SCD5: variants seen among roughly 807,000 people sequenced by gnomAD.
SCD5 encodes the protein acyl-CoA-desaturase 4.
SCD5 carries 20 observed loss-of-function variants against 30.4 expected under a neutral mutation model. That is an observed-to-expected ratio of 0.66 (90% CI 0.46 to 0.96). SCD5 has a LOEUF of 0.96. Ranked by LOEUF, SCD5 falls within the 40% of genes least tolerant of loss-of-function variation. The pLI is 0.00. For missense variants in SCD5, 381 were observed against 443.3 expected, an observed-to-expected ratio of 0.86 and a Z score of 1.26; for synonymous variants, 173 against 176.4, an observed-to-expected ratio of 0.98 and a Z score of 0.16.
Position 82,660,583 on chromosome 4 carries a change from C to G in SCD5, c.569+20124G>C, listed in dbSNP as rs578045727. Reference sequence around the variant, plus strand: ...TTTCACATATATTAACTAATGTATTCTCCCAATAATTTTGTAAGGTAGGTA... The same window carrying G: ...TTTCACATATATTAACTAATGTATTGTCCCAATAATTTTGTAAGGTAGGTA... On this transcript the variant is annotated intron_variant, in intron 3 of 4. Transcript: ENST00000319540. The G allele has an allele frequency of 4.9e-6, 6 of 1,232,848 alleles. No individual in the cohort carries two copies. The African/African-American group carries it at 9.2e-5, about 19-fold the overall frequency. The allele number at this position is 1,232,848 out of a possible 1,614,324, so 76.4% of individuals were successfully genotyped here.
Position 82,685,307 on chromosome 4 carries a change from T to C in SCD5, c.364-4395A>G, listed in dbSNP as rs189202891. On this transcript the variant is annotated intron_variant, in intron 2 of 4. Coordinates refer to ENST00000319540, the MANE Select transcript of SCD5 (RefSeq NM_001037582.3). ...GCCATACTATAGTCCTACTTTGCAA[T>C]AGAAATATAACTCAAGCCACATAAT... Among the ~76,000 whole-genome samples, 184 of 152,122 alleles carry C rather than the reference T, an allele frequency of 1.2e-3. 5 individuals are homozygous for C. In the South Asian group the frequency reaches 0.03, roughly 25 times the overall value.
At chr4:82,646,482 GT>G (rs1727636592) in intron 3 of SCD5, among the ~76,000 whole-genome samples, 2 of 152,258 alleles carry the variant, frequency 1.3e-5, no homozygotes, top group Admixed American at 1.3e-4. Flanking sequence ...TTTTTGAATT[GT>G]TTAAGTTGAA....
chr4:82,647,463 G>T (rs1013753783), intron 3 of SCD5, among the ~76,000 whole-genome samples: 5 of 152,212 alleles, frequency 3.3e-5, no homozygotes, highest in African/African-American at 1.2e-4. Flanking sequence ...GTAGCTGAAT[G>T]GATTAGATGG....
chr4:82,646,770 T>A (rs1468915780), intron 3 of SCD5, among the ~76,000 whole-genome samples: 1 of 152,240 alleles, frequency 6.6e-6, no homozygotes, highest in Non-Finnish European at 1.5e-5. Flanking sequence ...CACAAAAGCA[T>A]CTTCTTCAGA....
At chr4:82,647,162 T>A (rs755296707) in intron 3 of SCD5, among the ~76,000 whole-genome samples, 10 of 152,338 alleles carry the variant, frequency 6.6e-5, no homozygotes, top group Non-Finnish European at 1.2e-4. Context: ...TGTAAAGGAA[T>A]GACAGTGACA....
chr4:82,740,745 T>C (rs1720855251), intron 1 of SCD5, among the ~76,000 whole-genome samples: 1 of 152,176 alleles, frequency 6.6e-6, no homozygotes, highest in Non-Finnish European at 1.5e-5. Flanking sequence ...TTCTCTTCCT[T>C]CTACCCTTCC....
At chr4:82,680,175 G>A (rs1434496637) in intron 3 of SCD5, among the ~76,000 whole-genome samples, 2 of 152,212 alleles carry the variant, frequency 1.3e-5, no homozygotes, top group African/African-American at 4.8e-5. Flanking sequence ...CAGGGCATAT[G>A]AGTGCTTTGA....
chr4:82,655,457 G>T (rs1026123689), intron 3 of SCD5, among the ~76,000 whole-genome samples: 2 of 152,202 alleles, frequency 1.3e-5, no homozygotes, highest in Non-Finnish European at 2.9e-5. Context: ...GATATTTTAT[G>T]AACAGCAGTA....
intron 1 of SCD5, among the ~76,000 whole-genome samples, chr4:82,743,071 T>A (rs1305348751): frequency 6.6e-6 from 1 of 152,010 alleles, no homozygotes; most frequent in Non-Finnish European, 1.5e-5. Context: ...AGACTCCCAG[T>A]TGGATCCAGG....
chr4:82,785,407 T>G (rs1410358095), intron 1 of SCD5, among the ~76,000 whole-genome samples: 1 of 152,218 alleles, frequency 6.6e-6, no homozygotes, highest in Admixed American at 6.5e-5. Flanking sequence ...TAACAAGCCT[T>G]ACTAACCACC....
intron 1 of SCD5, among the ~76,000 whole-genome samples, chr4:82,779,968 TTGTTCTCAAAGTTATTGTTGC>T (rs1249993868): frequency 1.3e-5 from 2 of 152,246 alleles, no homozygotes; most frequent in African/African-American, 4.8e-5. Flanking sequence ...AAAATAACTT[TTGTTCTCAAAGTTATTGTTGC>T]TGTTCCTAAC....
At chr4:82,658,406 T>G (rs1476993412) in intron 3 of SCD5, among the ~76,000 whole-genome samples, 5 of 152,002 alleles carry the variant, frequency 3.3e-5, no homozygotes, top group Admixed American at 3.3e-4. Flanking sequence ...TTTATTGATA[T>G]GTGTATGTTG....
chr4:82,660,995 T>A, intron 3 of SCD5: 1 of 1,614,168 alleles, frequency 6.2e-7, no homozygotes, highest in Non-Finnish European at 8.5e-7. Flanking sequence ...ACTTTCAATA[T>A]ATGCCCTTGA....
chr4:82,717,355 G>C (rs1482734168), intron 1 of SCD5, among the ~76,000 whole-genome samples: 1 of 151,600 alleles, frequency 6.6e-6, no homozygotes, highest in Non-Finnish European at 1.5e-5. Context: ...CATTGCTTCT[G>C]ATTCAGGATA....
intron 2 of SCD5, among the ~76,000 whole-genome samples, chr4:82,700,294 C>T (rs1356879777): frequency 6.6e-6 from 1 of 151,986 alleles, no homozygotes; most frequent in Non-Finnish European, 1.5e-5. Flanking sequence ...AAGCACCAAA[C>T]CATAGATCCA....
At chr4:82,655,421 T>C (rs77371353) in intron 3 of SCD5, among the ~76,000 whole-genome samples, 6,794 of 152,284 alleles carry the variant, frequency 0.045, 533 homozygotes, top group African/African-American at 0.16. Flanking sequence ...AGGGGTGTGT[T>C]AGCTAGGTTT....
At chr4:82,770,490 A>G (rs1269291709) in intron 1 of SCD5, among the ~76,000 whole-genome samples, 1 of 152,252 alleles carries the variant, frequency 6.6e-6, no homozygotes, top group Non-Finnish European at 1.5e-5. Flanking sequence ...TACAGTAAGC[A>G]AGCAGTTGCA....
At chr4:82,751,375 T>C (rs1022346650) in intron 1 of SCD5, among the ~76,000 whole-genome samples, 1 of 152,066 alleles carries the variant, frequency 6.6e-6, no homozygotes, top group Non-Finnish European at 1.5e-5. Context: ...GAAGAGGAGT[T>C]TGAGGACTAA....
chr4:82,648,471 AGTG>A (rs1727675920), intron 3 of SCD5, among the ~76,000 whole-genome samples: 1 of 152,208 alleles, frequency 6.6e-6, no homozygotes, highest in African/African-American at 2.4e-5. Context: ...GAGAGTGTGC[AGTG>A]GTGCCTAAGA....
Sources: allele counts gnomAD v4.1 joint callset (sites outside exome capture counted in the v4.1 genomes callset), GRCh38; gene constraint gnomAD v4.1.1; transcripts MANE v1.5; gene names NCBI Gene and HGNC (gene_info 2026-07-23, HGNC 2026-07-21).